SLC16A10: variants seen among roughly 807,000 people sequenced by gnomAD.
SLC16A10 encodes monocarboxylate transporter 10.
A neutral mutation model predicts 40.0 loss-of-function variants in SLC16A10; 27 were observed. That is an observed-to-expected ratio of 0.67 (90% CI 0.50 to 0.93). The LOEUF is 0.93. Among genes scored for constraint, SLC16A10 ranks in the 40% least tolerant of loss-of-function variants. SLC16A10 has a pLI of 0.00. For missense variants in SLC16A10, 529 were observed against 658.2 expected (o/e 0.80, Z 2.15); for synonymous variants, 213 against 249.8 (o/e 0.85, Z 1.39).
chr6:111,087,885 AAGGTGG>A lies in SLC16A10; in HGVS notation c.142_147del (p.Val48_Glu49del). On this transcript the variant is annotated inframe_deletion, in exon 1 of 6. Coordinates refer to ENST00000368851, the MANE Select transcript of SLC16A10 (RefSeq NM_018593.5). ...GGACAGCCCCGAGGCGGCTGTCGAG[AAGGTGG>A]AGGTGGAGCTGGCGGGGCCGGCGAC... is the stretch of plus-strand genomic sequence containing the variant. 4 of 1,543,798 alleles carry A rather than the reference AAGGTGG, an allele frequency of 2.6e-6. No homozygotes were observed. Among genetic ancestry groups the A allele is most frequent in the Non-Finnish European group, 3.5e-6 (4 of 1,149,326 alleles).
intron 1 of SLC16A10, among the ~76,000 whole-genome samples, chr6:111,101,010 AT>A (rs1771176349): frequency 1.4e-5 from 2 of 140,142 alleles, no homozygotes; most frequent in African/African-American, 2.8e-5. Context: ...ATATATATAT[AT>A]ATATATAAAT....
At chr6:111,172,380 T>C (rs1244961580) in intron 1 of SLC16A10, among the ~76,000 whole-genome samples, 1 of 152,236 alleles carries the variant, frequency 6.6e-6, no homozygotes, top group Non-Finnish European at 1.5e-5. Context: ...GTTTTCATTT[T>C]TGAGTTTTTA....
chr6:111,208,862 T>C (rs1193048244), intron 4 of SLC16A10, among the ~76,000 whole-genome samples: 1 of 152,128 alleles, frequency 6.6e-6, no homozygotes, highest in Admixed American at 6.5e-5. Context: ...ATTGTGCACT[T>C]TAAGTGGGTG....
intron 3 of SLC16A10, among the ~76,000 whole-genome samples, chr6:111,197,511 G>C (rs1162168510): frequency 2.0e-5 from 3 of 152,146 alleles, no homozygotes; most frequent in Non-Finnish European, 2.9e-5. Context: ...AAGTTATCAA[G>C]TTACCTCAGA....
chr6:111,113,818 T>C (rs555764624), intron 1 of SLC16A10, among the ~76,000 whole-genome samples: 41 of 152,270 alleles, frequency 2.7e-4, no homozygotes, highest in Middle Eastern at 6.8e-3. Context: ...TCTTTGTCCC[T>C]CCAGTGTTGT....
intron 1 of SLC16A10, among the ~76,000 whole-genome samples, chr6:111,169,588 C>G (rs1772544259): frequency 6.6e-6 from 1 of 152,244 alleles, no homozygotes; most frequent in Non-Finnish European, 1.5e-5. Context: ...TCAATCCCTT[C>G]CCAGGTTCCC....
chr6:111,146,864 C>G (rs1772089058), intron 1 of SLC16A10, among the ~76,000 whole-genome samples: 2 of 152,032 alleles, frequency 1.3e-5, no homozygotes, highest in South Asian at 2.1e-4. Flanking sequence ...GAAATATTAT[C>G]CAGCCACAAA....
chr6:111,168,234 G>T (rs2114536586), intron 1 of SLC16A10, among the ~76,000 whole-genome samples: 1 of 152,114 alleles, frequency 6.6e-6, no homozygotes, highest in African/African-American at 2.4e-5. Flanking sequence ...CCCACCTCGG[G>T]CTCCCAAGGT....
At position 111,087,785 on chromosome 6, in the gene SLC16A10, GC is replaced by G; in HGVS notation, c.34del (p.Arg12GlyfsTer62). ...TCTCCCAGGAGGAGCCGGACTCCGC[GC>G]GGGGCACGAGCGAGGCGCAGCCGCT... ...VLSQEEPDSA[R>X]GTSEAQPLGP... On this transcript the variant is annotated frameshift_variant, in exon 1 of 6. Transcript: ENST00000368851. LOFTEE classifies it high-confidence loss of function. 1 of 1,229,968 alleles carries G rather than the reference GC, an allele frequency of 8.1e-7. No homozygotes were observed. The highest frequency in any genetic ancestry group is 1.0e-6 in the Non-Finnish European group (1 of 987,656). 76.2% of individuals were successfully genotyped at this position (1,229,968 alleles called of 1,614,324 possible).
intron 3 of SLC16A10, chr6:111,193,452 A>G (rs988842435): frequency 1.9e-5 from 7 of 373,592 alleles, no homozygotes; most frequent in Non-Finnish European, 2.6e-5. Context: ...GGGACATTTA[A>G]TATTTACAGA....
At chr6:111,198,727 C>T (rs1402911423) in intron 3 of SLC16A10, among the ~76,000 whole-genome samples, 1 of 152,188 alleles carries the variant, frequency 6.6e-6, no homozygotes, top group African/African-American at 2.4e-5. Context: ...TAGCACATGA[C>T]TGTAATTCCA....
chr6:111,109,729 A>G (rs1308533934), intron 1 of SLC16A10, among the ~76,000 whole-genome samples: 2 of 152,100 alleles, frequency 1.3e-5, no homozygotes, highest in African/African-American at 4.8e-5. Flanking sequence ...TGGGGTTACA[A>G]GTGTGAGCCA....
chr6:111,150,396 G>C (rs1173268226), intron 1 of SLC16A10, among the ~76,000 whole-genome samples: 8 of 152,190 alleles, frequency 5.3e-5, no homozygotes, highest in Admixed American at 2.0e-4. Context: ...AACAGACTGA[G>C]ACACTTAATA....
rs145047809 is a variant in SLC16A10, at chr6:111,088,063, C to T, written c.311C>T (p.Ser104Phe). 1 of 1,608,200 alleles carries T rather than the reference C, an allele frequency of 6.2e-7. No homozygotes were observed. The highest frequency in any genetic ancestry group is 1.1e-5 in the South Asian group (1 of 90,176). The change falls in exon 1 of 6, where the codon TCC (serine) becomes TTC (phenylalanine). Residue 104 changes from serine to phenylalanine, a missense_variant. Physicochemically the swap from Ser to Phe is radical, Grantham distance 155. Coordinates refer to ENST00000368851, the MANE Select transcript of SLC16A10 (RefSeq NM_018593.5). ...LFVSMLETFG[S>F]KDDDKMVFKT... ...GTGTCCATGCTGGAAACCTTCGGCT[C>T]CAAAGACGATGACAAGATGGTCTTT...
At chr6:111,205,080 C>T (rs2114581996) in intron 3 of SLC16A10, among the ~76,000 whole-genome samples, 1 of 152,078 alleles carries the variant, frequency 6.6e-6, no homozygotes, top group East Asian at 1.9e-4. Context: ...GGCAGTGGGC[C>T]ACCTTTGAAT....
chr6:111,216,303 TA>T (rs1219811149), intron 4 of SLC16A10, among the ~76,000 whole-genome samples: 1 of 152,214 alleles, frequency 6.6e-6, no homozygotes, highest in Non-Finnish European at 1.5e-5. Context: ...AAAGGATATT[TA>T]ACTGGCAAAC....
At chr6:111,134,705 A>G (rs1179469249) in intron 1 of SLC16A10, among the ~76,000 whole-genome samples, 2 of 152,194 alleles carry the variant, frequency 1.3e-5, no homozygotes, top group African/African-American at 4.8e-5. Context: ...GATTATCCAA[A>G]TAGAAATAAG....
intron 1 of SLC16A10, among the ~76,000 whole-genome samples, chr6:111,099,318 GT>G (rs1264413577): frequency 6.6e-6 from 1 of 152,106 alleles, no homozygotes; most frequent in Admixed American, 6.6e-5. Context: ...TTGTATGTAT[GT>G]ATTTATTTAT....
In SLC16A10 at chr6:111,171,094, G is replaced by A. The variant is rs112985560; in HGVS notation, c.344-1601G>A. ...AGAGGTTGCAGTGAGCAAACATTGC[G>A]TCACCGCACTCCAGCCTGGGTGACA... On this transcript the variant is annotated intron_variant, in intron 1 of 5. Coordinates refer to ENST00000368851, the MANE Select transcript of SLC16A10 (RefSeq NM_018593.5). Among the ~76,000 whole-genome samples, 445 of 152,142 alleles carry A rather than the reference G, an allele frequency of 2.9e-3. 2 individuals carry two copies. The highest frequency in any genetic ancestry group is 9.0e-3 in the African/African-American group (372 of 41,522).
Sources: gnomAD v4.1 joint callset for allele counts (sites outside exome capture counted in the v4.1 genomes callset) on GRCh38, gnomAD v4.1.1 for gene constraint, MANE v1.5 for transcripts, NCBI Gene and HGNC (gene_info 2026-07-23, HGNC 2026-07-21) for gene names.